NKAIN2: variants seen among roughly 807,000 people sequenced by gnomAD.
NKAIN2 encodes the protein sodium/potassium transporting ATPase interacting 2.
A neutral mutation model predicts 32.6 loss-of-function variants in NKAIN2; 14 were observed. The observed-to-expected ratio is 0.43, with a 90% confidence interval of 0.28 to 0.67. NKAIN2 has a LOEUF of 0.67. NKAIN2 is among the 30% of genes least tolerant of loss of function. The pLI, the probability that NKAIN2 is intolerant of heterozygous loss-of-function variation, is 0.17. For missense variants in NKAIN2, 198 were observed against 258.3 expected, an observed-to-expected ratio of 0.77 and a Z score of 1.60; for synonymous variants, 80 against 87.2, an observed-to-expected ratio of 0.92 and a Z score of 0.46.
chr6:123,858,812 G>A (rs961843014), intron 1 of NKAIN2, among the ~76,000 whole-genome samples: 1 of 152,184 alleles, frequency 6.6e-6, no homozygotes, highest in Non-Finnish European at 1.5e-5. Context: ...AACAGTGAGT[G>A]TGATGCCAGA....
chr6:124,193,250 C>T (rs1315989275), intron 1 of NKAIN2, among the ~76,000 whole-genome samples: 3 of 152,180 alleles, frequency 2.0e-5, no homozygotes, highest in Admixed American at 6.5e-5. Flanking sequence ...GGGCTCAGTT[C>T]GCACTACCAG....
At chr6:124,634,299 T>G (rs1414506320) in intron 3 of NKAIN2, among the ~76,000 whole-genome samples, 1 of 152,088 alleles carries the variant, frequency 6.6e-6, no homozygotes, top group East Asian at 1.9e-4. Context: ...AAAATAATTA[T>G]CTTAAGGGAA....
chr6:124,243,014 G>A (rs764570566), intron 1 of NKAIN2, among the ~76,000 whole-genome samples: 4 of 151,050 alleles, frequency 2.6e-5, no homozygotes, highest in Middle Eastern at 3.4e-3. Flanking sequence ...TTCTGCACAT[G>A]TATCCCAGAA....
At chr6:124,265,384 T>C (rs1794447142) in intron 1 of NKAIN2, among the ~76,000 whole-genome samples, 1 of 152,148 alleles carries the variant, frequency 6.6e-6, no homozygotes, top group Non-Finnish European at 1.5e-5. Flanking sequence ...TTTAATACTG[T>C]TGTATACCAA....
intron 4 of NKAIN2, among the ~76,000 whole-genome samples, chr6:124,704,342 A>G (rs1420975105): frequency 6.6e-6 from 1 of 152,034 alleles, no homozygotes; most frequent in Admixed American, 6.6e-5. Flanking sequence ...CACAAATGTT[A>G]TAATTTCTAT....
At chr6:124,400,944 A>G (rs1773598927) in intron 3 of NKAIN2, among the ~76,000 whole-genome samples, 1 of 152,176 alleles carries the variant, frequency 6.6e-6, no homozygotes, top group African/African-American at 2.4e-5. Flanking sequence ...GTTTTGCTCA[A>G]ATTTTCCTTT....
chr6:124,272,724 G>A (rs370858035), intron 1 of NKAIN2, among the ~76,000 whole-genome samples: 19 of 152,268 alleles, frequency 1.2e-4, no homozygotes, highest in African/African-American at 3.4e-4. Context: ...AGCCACAGGC[G>A]CTCAATGCCA....
intron 4 of NKAIN2, 118 bp from the exon 5 acceptor site, chr6:124,791,221 A>G (rs577843519): frequency 2.7e-5 from 17 of 625,470 alleles, no homozygotes; most frequent in Admixed American, 2.1e-4. Flanking sequence ...CCGATGAGCC[A>G]TGTTGGTTGG....
At chr6:124,513,444 G>A (rs2114778666) in intron 3 of NKAIN2, among the ~76,000 whole-genome samples, 1 of 152,186 alleles carries the variant, frequency 6.6e-6, no homozygotes, top group South Asian at 2.1e-4. Context: ...GTATCCAGAG[G>A]CTATTAGGAT....
chr6:124,149,120 A>G (rs1273096498), intron 1 of NKAIN2, among the ~76,000 whole-genome samples: 2 of 151,828 alleles, frequency 1.3e-5, no homozygotes, highest in East Asian at 3.9e-4. Flanking sequence ...AGAAACGTCT[A>G]TTTAAATCCT....
chr6:124,396,398 A>G (rs1312557062), intron 3 of NKAIN2, among the ~76,000 whole-genome samples: 2 of 151,286 alleles, frequency 1.3e-5, no homozygotes, highest in Non-Finnish European at 2.9e-5. Flanking sequence ...AAAACACAAA[A>G]GGAATAATGA....
intron 4 of NKAIN2, among the ~76,000 whole-genome samples, chr6:124,722,916 G>A (rs1482064391): frequency 1.3e-5 from 2 of 152,254 alleles, no homozygotes; most frequent in East Asian, 3.9e-4. Flanking sequence ...CTATTTTAGA[G>A]TCTTTCAAGG....
intron 1 of NKAIN2, among the ~76,000 whole-genome samples, chr6:123,999,946 A>G (rs542893628): frequency 6.6e-6 from 1 of 151,734 alleles, no homozygotes; most frequent in South Asian, 2.1e-4. Flanking sequence ...TGTCTCATAT[A>G]TTCATTATTA....
At chr6:124,788,618 C>G (rs1328943779) in intron 4 of NKAIN2, among the ~76,000 whole-genome samples, 1 of 152,024 alleles carries the variant, frequency 6.6e-6, no homozygotes, top group East Asian at 1.9e-4. Flanking sequence ...CAGTATAAAA[C>G]CATCAGATCT....
intron 1 of NKAIN2, among the ~76,000 whole-genome samples, chr6:124,183,428 G>A (rs1365538175): frequency 2.0e-5 from 3 of 151,906 alleles, no homozygotes; most frequent in African/African-American, 4.8e-5. Context: ...TAAATTATTA[G>A]ATAGAGTATA....
chr6:124,195,874 G>A (rs1790289652), intron 1 of NKAIN2, among the ~76,000 whole-genome samples: 1 of 151,940 alleles, frequency 6.6e-6, no homozygotes, highest in Non-Finnish European at 1.5e-5. Context: ...CTATCCCAGT[G>A]TTGCCTCAAG....
intron 1 of NKAIN2, among the ~76,000 whole-genome samples, chr6:124,180,459 C>T (rs1361098732): frequency 6.6e-6 from 1 of 152,120 alleles, no homozygotes; most frequent in African/African-American, 2.4e-5. Flanking sequence ...TCAATTACCT[C>T]CCACCAGTTC....
chr6:124,707,861 G>A (rs957577630), intron 4 of NKAIN2, among the ~76,000 whole-genome samples: 1 of 152,144 alleles, frequency 6.6e-6, no homozygotes, highest in Non-Finnish European at 1.5e-5. Flanking sequence ...TCCCATCTGT[G>A]AATTTTGTCT....
rs77064849 is a variant in NKAIN2, at chr6:124,325,590, A to G, written c.193-29677A>G. ...AGACAATAAGCTACTGGCACATGCA[A>G]TAATATTGGTCAATATCAGAAACAT... On this transcript the variant is annotated intron_variant, in intron 2 of 6. Transcript: ENST00000368417. 5.5e-3 allele frequency among the ~76,000 whole-genome samples: 830 copies of G among 152,274 alleles called. 4 individuals are homozygous for G. The highest frequency in any genetic ancestry group is 0.018 in the African/African-American group (759 of 41,574).
Sources: gnomAD v4.1 joint callset for allele counts (sites outside exome capture counted in the v4.1 genomes callset) on GRCh38, gnomAD v4.1.1 for gene constraint, MANE v1.5 for transcripts, NCBI Gene and HGNC (gene_info 2026-07-23, HGNC 2026-07-21) for gene names.